The following L3MBTL4 variants were observed in gnomAD, a reference collection of about 807,000 sequenced individuals.
L3MBTL4 encodes the protein lethal(3)malignant brain tumor-like protein 4.
A neutral mutation model predicts 84.5 loss-of-function variants in L3MBTL4; 70 were observed. The observed-to-expected ratio is 0.83, with a 90% CI of 0.68 to 1.01. L3MBTL4 has a LOEUF of 1.01. L3MBTL4 is among the 50% of genes least tolerant of loss of function. L3MBTL4 has a pLI of 0.00. For missense variants in L3MBTL4, 715 were observed against 754.8 expected, an observed-to-expected ratio of 0.95 and a Z score of 0.62; for synonymous variants, 274 against 259.8, an observed-to-expected ratio of 1.05 and a Z score of -0.52.
At chr18:6,339,466 ACAAT>A (rs1012939894) in intron 1 of L3MBTL4, among the ~76,000 whole-genome samples, 2 of 152,220 alleles carry the variant, frequency 1.3e-5, no homozygotes, top group Non-Finnish European at 2.9e-5. Context: ...ATGATAAACC[ACAAT>A]TTGTGAGATG....
At chr18:5,990,770 G>GGGGTGT (rs1239452278) in intron 16 of L3MBTL4, among the ~76,000 whole-genome samples, 10 of 142,364 alleles carry the variant, frequency 7.0e-5, no homozygotes, top group Admixed American at 5.7e-4. Flanking sequence ...GGTTCATGTG[G>GGGGTGT]GTGTGTGTGT....
At chr18:6,057,167 A>T (rs1405289572) in intron 16 of L3MBTL4, among the ~76,000 whole-genome samples, 2 of 151,930 alleles carry the variant, frequency 1.3e-5, no homozygotes, top group African/African-American at 4.8e-5. Context: ...AGTATCTGGG[A>T]TTACAGGCAT....
chr18:6,014,930 T>A (rs2054895693), intron 16 of L3MBTL4, among the ~76,000 whole-genome samples: 1 of 151,896 alleles, frequency 6.6e-6, no homozygotes, highest in Non-Finnish European at 1.5e-5. Context: ...AAGTGAGAAA[T>A]CCTGGTGGCT....
chr18:6,092,574 T>A (rs887466245), intron 15 of L3MBTL4, among the ~76,000 whole-genome samples: 1 of 152,148 alleles, frequency 6.6e-6, no homozygotes, highest in Non-Finnish European at 1.5e-5. Flanking sequence ...TGTGGCAGGG[T>A]CAGGAAAACA....
At chr18:6,073,527 A>G (rs2057758014) in intron 16 of L3MBTL4, among the ~76,000 whole-genome samples, 1 of 152,214 alleles carries the variant, frequency 6.6e-6, no homozygotes, top group Non-Finnish European at 1.5e-5. Flanking sequence ...GTGATAATGG[A>G]GAAAGAGGGA....
intron 1 of L3MBTL4, among the ~76,000 whole-genome samples, chr18:6,360,169 A>C (rs2053620937): frequency 6.6e-6 from 1 of 152,206 alleles, no homozygotes; most frequent in Non-Finnish European, 1.5e-5. Flanking sequence ...CAGGAGTTCA[A>C]GACCAGCCTG....
At chr18:6,309,284 T>A (rs571753600) in intron 3 of L3MBTL4, among the ~76,000 whole-genome samples, 4 of 152,194 alleles carry the variant, frequency 2.6e-5, no homozygotes, top group Non-Finnish European at 5.9e-5. Context: ...CAGCCTACTG[T>A]ATTAAACTGT....
chr18:5,983,452 A>C (rs2053326777), intron 16 of L3MBTL4, among the ~76,000 whole-genome samples: 1 of 152,122 alleles, frequency 6.6e-6, no homozygotes, highest in Admixed American at 6.5e-5. Context: ...TTTCTTAATT[A>C]TCAACTATAA....
chr18:6,125,382 T>G (rs2059659162), intron 14 of L3MBTL4, among the ~76,000 whole-genome samples: 1 of 152,184 alleles, frequency 6.6e-6, no homozygotes, highest in Non-Finnish European at 1.5e-5. Context: ...TTGGATGGGA[T>G]TTTCTTTCTT....
At chr18:6,197,305 T>C (rs541267788) in intron 12 of L3MBTL4, among the ~76,000 whole-genome samples, 11 of 152,228 alleles carry the variant, frequency 7.2e-5, no homozygotes, top group Admixed American at 6.5e-4. Flanking sequence ...GTTGTTCCCC[T>C]CCCTGTGTCC....
chr18:6,081,207 ACT>A (rs1458252407), intron 15 of L3MBTL4: 1 of 312,540 alleles, frequency 3.2e-6, no homozygotes, highest in Non-Finnish European at 5.8e-6. Flanking sequence ...AGTTTCCAAA[ACT>A]CTCTGGAGAA....
chr18:6,041,925 G>A (rs56152800), intron 16 of L3MBTL4, among the ~76,000 whole-genome samples: 16,053 of 151,694 alleles, frequency 0.11, 921 homozygotes, highest in Non-Finnish European at 0.13. Flanking sequence ...GTCTCACTAC[G>A]TTGCCCAGGC....
chr18:6,346,011 A>G (rs1469131616), intron 1 of L3MBTL4, among the ~76,000 whole-genome samples: 1 of 151,318 alleles, frequency 6.6e-6, no homozygotes, highest in African/African-American at 2.4e-5. Flanking sequence ...GCCAAGAAAT[A>G]AACCTATGCA....
At chr18:6,006,012 T>TAAA (rs35437965) in intron 16 of L3MBTL4, among the ~76,000 whole-genome samples, 1 of 148,842 alleles carries the variant, frequency 6.7e-6, no homozygotes, top group African/African-American at 2.5e-5. Context: ...TACCATAATT[T>TAAA]AAAAAAAAAA....
intron 14 of L3MBTL4, among the ~76,000 whole-genome samples, chr18:6,130,400 C>T (rs1367677196): frequency 6.6e-6 from 1 of 152,120 alleles, no homozygotes; most frequent in Non-Finnish European, 1.5e-5. Flanking sequence ...TATAAGTTTC[C>T]ACTAAGAGCA....
At chr18:5,980,330 TC>T (rs906851486) in intron 16 of L3MBTL4, among the ~76,000 whole-genome samples, 2 of 151,772 alleles carry the variant, frequency 1.3e-5, no homozygotes, top group Admixed American at 1.3e-4. Flanking sequence ...AGGCCAGGAT[TC>T]CCCCCAGGAA....
intron 12 of L3MBTL4, 32 bp from the exon 13 acceptor site, chr18:6,171,974 T>C: frequency 9.4e-7 from 1 of 1,062,432 alleles, no homozygotes; most frequent in Non-Finnish European, 1.4e-6. Context: ...GATTAGCATT[T>C]AGTAATTAGG....
chr18:6,211,550 A>G (rs945629268), intron 12 of L3MBTL4, among the ~76,000 whole-genome samples: 1 of 152,242 alleles, frequency 6.6e-6, no homozygotes, highest in African/African-American at 2.4e-5. Flanking sequence ...TCGATGCTAC[A>G]GTAAATATCT....
At chr18:6,144,024 CG>C (rs2042537095) in intron 13 of L3MBTL4, among the ~76,000 whole-genome samples, 1 of 151,770 alleles carries the variant, frequency 6.6e-6, no homozygotes, top group African/African-American at 2.4e-5. Flanking sequence ...GGTGAAACCC[CG>C]TCTCTACTAA....
Sources: gnomAD v4.1 joint callset for allele counts (sites outside exome capture counted in the v4.1 genomes callset) on GRCh38, gnomAD v4.1.1 for gene constraint, MANE v1.5 for transcripts, NCBI Gene and HGNC (gene_info 2026-07-23, HGNC 2026-07-21) for gene names.